The following INTU variants were observed in gnomAD, a reference collection of about 807,000 sequenced individuals.
INTU encodes protein inturned.
In INTU, 68 loss-of-function variants were observed where a neutral mutation model predicts 100.5. The ratio of observed to expected loss-of-function variants is 0.68; its 90% CI spans 0.56 to 0.83. The LOEUF (loss-of-function observed/expected upper bound fraction) is 0.83, where lower values mean the gene tolerates loss of function less well. Among genes scored for constraint, INTU ranks in the 40% least tolerant of loss-of-function variants. The probability of loss-of-function intolerance (pLI) is 0.00; values close to 1 mark genes in which losing one functional copy is unlikely to be tolerated. For synonymous variants in INTU, 357 were observed against 395.7 expected, an observed-to-expected ratio of 0.90 and a Z score of 1.16; for missense variants, 1,071 against 1,114.7, an observed-to-expected ratio of 0.96 and a Z score of 0.56.
At chr4:127,666,287 G>A (rs1009142871) in intron 4 of INTU, among the ~76,000 whole-genome samples, 1 of 151,932 alleles carries the variant, frequency 6.6e-6, no homozygotes, top group Non-Finnish European at 1.5e-5. Context: ...GATTCTACTA[G>A]CTCTAGTCCT....
At chr4:127,655,670 C>G (rs1450061395) in intron 2 of INTU, among the ~76,000 whole-genome samples, 1 of 151,168 alleles carries the variant, frequency 6.6e-6, no homozygotes, top group Non-Finnish European at 1.5e-5. Flanking sequence ...TTACTGCTGT[C>G]TTTTTGTTTG....
In INTU at chr4:127,687,716, A is replaced by AT. The variant is rs1729889650; in HGVS notation, c.1305dup (p.Asn436Ter). ...ATTGAGAATGTTCCTCGTTTGGATC[A>AT]TTTTTTTAACTTGTTCTTTCAAAGA... On this transcript the variant is annotated frameshift_variant, in exon 8 of 16. Transcript: ENST00000335251. LOFTEE classifies it high-confidence loss of function. 1.2e-6 allele frequency: 2 copies of AT among 1,612,818 alleles called. No homozygotes were observed. The highest frequency in any genetic ancestry group is 1.7e-6 in the Non-Finnish European group (2 of 1,179,166).
At chr4:127,704,130 C>G in intron 9 of INTU, 98 bp from the exon 10 acceptor site, 1 of 967,356 alleles carries the variant, frequency 1.0e-6, no homozygotes, top group South Asian at 1.6e-5. Flanking sequence ...AGTTTAGTTA[C>G]TAAAGAATAT....
At chr4:127,675,921 T>A (rs1729153940) in intron 6 of INTU, 1 of 325,470 alleles carries the variant, frequency 3.1e-6, no homozygotes, top group Non-Finnish European at 6.5e-6. Flanking sequence ...GTTACCAAGC[T>A]CAGCCCACAC....
intron 2 of INTU, among the ~76,000 whole-genome samples, chr4:127,646,901 G>A (rs1315610918): frequency 6.6e-6 from 1 of 152,184 alleles, no homozygotes; most frequent in Non-Finnish European, 1.5e-5. Flanking sequence ...TAAAATGGCA[G>A]TATAGTAACT....
In INTU at chr4:127,644,992, T is replaced by A. The variant is rs574921605; in HGVS notation, c.682+936T>A. On this transcript the variant is annotated intron_variant, in intron 2 of 15. Coordinates refer to ENST00000335251, the MANE Select transcript of INTU (RefSeq NM_015693.4). ...CAATTATTTCTTGAAAGGAGCTATG[T>A]TTTAGTGGAAGAGACGGGTTACAGA... Among the ~76,000 whole-genome samples the A allele has an allele frequency of 7.2e-5, 11 of 152,292 alleles. 1 individual carries two copies. The South Asian group carries it at 2.3e-3, about 32-fold the overall frequency.
intron 2 of INTU, among the ~76,000 whole-genome samples, chr4:127,650,248 G>A (rs1727782447): frequency 6.6e-6 from 1 of 151,940 alleles, no homozygotes; most frequent in South Asian, 2.1e-4. Context: ...TATACTTTAA[G>A]TTTTAGGGTA....
intron 2 of INTU, among the ~76,000 whole-genome samples, chr4:127,653,711 G>C (rs933441995): frequency 1.1e-4 from 16 of 150,166 alleles, no homozygotes; most frequent in East Asian, 3.9e-4. Flanking sequence ...GATTTGGGGT[G>C]GAGAGTTCTG....
chr4:127,639,219 A>G (rs1727203284), intron 1 of INTU, among the ~76,000 whole-genome samples: 1 of 152,140 alleles, frequency 6.6e-6, no homozygotes, highest in South Asian at 2.1e-4. Flanking sequence ...AATCCAGAAT[A>G]TTGTATTGTC....
At position 127,707,763 on chromosome 4, in the gene INTU, A is replaced by G. The variant is rs1022610682; in HGVS notation, c.2271+794A>G. 3.3e-5 allele frequency among the ~76,000 whole-genome samples: 5 copies of G among 152,212 alleles called. 1 individual carries two copies. Among genetic ancestry groups the G allele is most frequent in the Admixed American group, 3.3e-4 (5 of 15,284 alleles). On this transcript the variant is annotated intron_variant, in intron 12 of 15. Transcript: ENST00000335251. ...ACTCTAAAGAGGATGTTCATTTTTC[A>G]GATCATTTTTCCTAATTTTTTCCCA...
At chr4:127,654,051 C>CT (rs940816990) in intron 2 of INTU, among the ~76,000 whole-genome samples, 3 of 150,478 alleles carry the variant, frequency 2.0e-5, no homozygotes, top group Non-Finnish European at 3.0e-5. Flanking sequence ...AAACCCCTGC[C>CT]TTTTTTTGTT....
At position 127,663,550 on chromosome 4, in the gene INTU, C is replaced by T. The variant is rs752370004; in HGVS notation, c.938C>T (p.Thr313Ile). The change falls in exon 4 of 16, where the codon ACA becomes ATA. Residue 313 changes from threonine to isoleucine, a missense_variant. Thr to Ile is a moderately conservative substitution (Grantham distance 89). Coordinates refer to ENST00000335251, the MANE Select transcript of INTU (RefSeq NM_015693.4). ...ACTCCTCATATCATTATGTATCTCA[C>T]ACTACAGCTCGACTCAGAAACCTCA... is the stretch of plus-strand genomic sequence containing the variant. ...LNTPHIIMYL[T>I]LQLDSETSKE... 6.2e-7 allele frequency: 1 copy of T among 1,613,250 alleles called. No homozygotes were observed. The highest frequency in any genetic ancestry group is 8.5e-7 in the Non-Finnish European group (1 of 1,179,470).
rs201781260 is a variant in INTU, at chr4:127,643,793, C to A, written c.419C>A (p.Ser140Tyr). Reference protein sequence around the residue: ...KKNSNDNGPVSILKHQSNQKT... With the variant: ...KKNSNDNGPVYILKHQSNQKT... ...AATAGCAATGACAATGGACCAGTAT[C>A]CATTCTAAAGCATCAGTCCAATCAG... Residue 140 changes from serine (S) to tyrosine (Y), a missense_variant, in exon 2 of 16, where the codon TCC becomes TAC. Physicochemically the swap from Ser to Tyr is moderately radical, Grantham distance 144. Transcript: ENST00000335251. 1.3e-5 allele frequency: 21 copies of A among 1,614,050 alleles called. No homozygotes were observed. The South Asian group carries it at 2.0e-4, about 15-fold the overall frequency.
chr4:127,650,000 A>G (rs967156994), intron 2 of INTU, among the ~76,000 whole-genome samples: 6 of 152,176 alleles, frequency 3.9e-5, no homozygotes, highest in Non-Finnish European at 8.8e-5. Context: ...TTATTTTATT[A>G]TCAGATTTGG....
chr4:127,681,689 A>T (rs1307457608), intron 6 of INTU, among the ~76,000 whole-genome samples: 1 of 152,222 alleles, frequency 6.6e-6, no homozygotes, highest in Admixed American at 6.5e-5. Context: ...GGACATAGGC[A>T]TGGGCAAGGA....
chr4:127,677,525 C>A (rs1560854946), intron 6 of INTU, among the ~76,000 whole-genome samples: 1 of 147,262 alleles, frequency 6.8e-6, no homozygotes, highest in African/African-American at 2.5e-5. Flanking sequence ...CTCCAACAGA[C>A]CTGCAGCTGA....
chr4:127,692,806 C>G (rs1730210935), intron 8 of INTU, among the ~76,000 whole-genome samples: 1 of 152,146 alleles, frequency 6.6e-6, no homozygotes, highest in Non-Finnish European at 1.5e-5. Context: ...CCACCTGTGG[C>G]TTGCCAACCA....
chr4:127,637,282 C>G (rs571790915), intron 1 of INTU, among the ~76,000 whole-genome samples: 2 of 152,332 alleles, frequency 1.3e-5, no homozygotes, highest in East Asian at 3.9e-4. Context: ...TTCTAAAACA[C>G]AGTTCTAAAT....
At chr4:127,689,764 A>G (rs1490751265) in intron 8 of INTU, among the ~76,000 whole-genome samples, 1 of 151,992 alleles carries the variant, frequency 6.6e-6, no homozygotes, top group East Asian at 1.9e-4. Flanking sequence ...GGAAGAGGCA[A>G]GGGAAGGGAA....
Sources: gnomAD v4.1 joint callset for allele counts (sites outside exome capture counted in the v4.1 genomes callset) on GRCh38, gnomAD v4.1.1 for gene constraint, MANE v1.5 for transcripts, NCBI Gene and HGNC (gene_info 2026-07-23, HGNC 2026-07-21) for gene names.